GALNT11: variants seen among roughly 807,000 people sequenced by gnomAD.
GALNT11 encodes the protein UDP-GalNAc:polypeptide N-acetylgalactosaminyltransferase 11.
In GALNT11, 47 loss-of-function variants were observed where a neutral mutation model predicts 72.7. The observed-to-expected ratio is 0.65, with a 90% CI of 0.51 to 0.82. The LOEUF (loss-of-function observed/expected upper bound fraction) is 0.82. Ranked by LOEUF, GALNT11 falls within the 40% of genes least tolerant of loss-of-function variation. The probability of loss-of-function intolerance (pLI) is 0.00; values close to 1 mark genes in which losing one functional copy is unlikely to be tolerated. For missense variants in GALNT11, 677 were observed against 778.4 expected (o/e 0.87, Z 1.55); for synonymous variants, 270 against 286.6 (o/e 0.94, Z 0.58).
intron 8 of GALNT11, 192 bp from the exon 9 acceptor site, chr7:152,116,965 C>T: frequency 2.9e-6 from 2 of 693,574 alleles, no homozygotes; most frequent in South Asian, 3.0e-5. Context: ...ACATCGATGA[C>T]TGAGACTCAC....
At chr7:152,051,473 T>G (rs2083404347) in intron 1 of GALNT11, among the ~76,000 whole-genome samples, 1 of 152,102 alleles carries the variant, frequency 6.6e-6, no homozygotes, top group African/African-American at 2.4e-5. Flanking sequence ...TGGACTAGTT[T>G]TGCTTATTTT....
At chr7:152,040,166 G>A (rs779763564) in intron 1 of GALNT11, among the ~76,000 whole-genome samples, 53 of 151,686 alleles carry the variant, frequency 3.5e-4, no homozygotes, top group Non-Finnish European at 6.9e-4. Flanking sequence ...AAGCTGGAAT[G>A]CCCACCACTG....
chr7:152,043,710 G>T (rs1028026017), intron 1 of GALNT11, among the ~76,000 whole-genome samples: 2 of 152,096 alleles, frequency 1.3e-5, no homozygotes, highest in African/African-American at 4.8e-5. Flanking sequence ...GATCCGGAGG[G>T]TCAGGCTACT....
chr7:152,039,379 G>A (rs1436245574), intron 1 of GALNT11, among the ~76,000 whole-genome samples: 1 of 152,178 alleles, frequency 6.6e-6, no homozygotes, highest in African/African-American at 2.4e-5. Flanking sequence ...ATGTGTAACT[G>A]TGTCATAGAG....
In GALNT11 at chr7:152,055,563, GTGTGTATA is replaced by G. The variant is rs1413915043; in HGVS notation, c.-39+29681_-39+29688del. On this transcript the variant is annotated intron_variant, in intron 1 of 11. Transcript: ENST00000430044. ...TGTGTGTGTGTGTGTGTGTGTGTGT[GTGTGTATA>G]TATACATATATATATATACACACAA... Among the ~76,000 whole-genome samples, 731 of 111,912 alleles carry G rather than the reference GTGTGTATA, an allele frequency of 6.5e-3. 6 individuals carry two copies. The highest frequency in any genetic ancestry group is 0.029 in the African/African-American group (697 of 24,250). The allele number at this position is 111,912 out of a possible 152,430, so 73.4% of individuals were successfully genotyped here. A position where few individuals can be genotyped will look rare whatever the true frequency, so the allele number is the denominator to read the frequency against.
At chr7:152,076,422 C>CT (rs2084982707) in intron 1 of GALNT11, among the ~76,000 whole-genome samples, 1 of 151,938 alleles carries the variant, frequency 6.6e-6, no homozygotes, top group South Asian at 2.1e-4. Context: ...TGAAGTGCGC[C>CT]GTCTAGGAAA....
At chr7:152,118,855 A>C in intron 10 of GALNT11, 73 bp downstream of exon 10, 1 of 1,159,270 alleles carries the variant, frequency 8.6e-7, no homozygotes, top group Non-Finnish European at 1.2e-6. Flanking sequence ...GCTGCCAGTC[A>C]CTCCTGAGGA....
rs1180535807 is a variant in GALNT11 at position 152,121,475 on chromosome 7, C to CCAT, written c.1696-69_1696-67dup. ...CCCTTAATCTGAATTCTTAAGTGCT[C>CCAT]CATCTCTCCTCTGGATTTCCATGTT... On this transcript the variant is annotated intron_variant, in intron 11 of 11. Coordinates refer to ENST00000430044, the MANE Select transcript of GALNT11 (RefSeq NM_022087.4). 1.9e-6 allele frequency: 3 copies of CCAT among 1,552,250 alleles called. No homozygotes were observed. The Admixed American group carries it at 5.6e-5, about 29-fold the overall frequency.
chr7:152,036,728 C>T (rs754606871), intron 1 of GALNT11, among the ~76,000 whole-genome samples: 6 of 152,200 alleles, frequency 3.9e-5, no homozygotes, highest in African/African-American at 7.2e-5. Flanking sequence ...ATTCCCTTTT[C>T]TCCACATCCT....
intron 1 of GALNT11, among the ~76,000 whole-genome samples, chr7:152,059,067 T>C (rs928495702): frequency 6.6e-6 from 1 of 152,142 alleles, no homozygotes; most frequent in Non-Finnish European, 1.5e-5. Context: ...AAATAAATGA[T>C]ATTTTGACCT....
intron 10 of GALNT11, 127 bp from the exon 11 acceptor site, chr7:152,120,704 T>A: frequency 1.3e-6 from 1 of 788,368 alleles, no homozygotes; most frequent in Admixed American, 2.4e-5. Flanking sequence ...TCTGCTTCCC[T>A]GTAAGTCTAG....
chr7:152,058,261 G>A (rs1265077387), intron 1 of GALNT11, among the ~76,000 whole-genome samples: 1 of 152,130 alleles, frequency 6.6e-6, no homozygotes, highest in Non-Finnish European at 1.5e-5. Flanking sequence ...CTTTTTGCTG[G>A]TGAGAGTCTT....
At position 152,026,529 on chromosome 7, in the gene GALNT11, G is replaced by A. The variant is rs932072477; in HGVS notation, c.-39+645G>A. Among the ~76,000 whole-genome samples the A allele has an allele frequency of 4.6e-5, 7 of 152,256 alleles. No individual in the cohort carries two copies. In the East Asian group the frequency reaches 1.3e-3, roughly 29 times the overall value. Reference sequence around the variant, plus strand: ...AAATTGACAGCTTGTCTTCGCAGGTGAGGAACAGGGACAGAACTCAAGTCA... The same window carrying A: ...AAATTGACAGCTTGTCTTCGCAGGTAAGGAACAGGGACAGAACTCAAGTCA... On this transcript the variant is annotated intron_variant, in intron 1 of 11. Coordinates refer to ENST00000430044, the MANE Select transcript of GALNT11 (RefSeq NM_022087.4).
At chr7:152,097,570 C>G (rs1169493884) in intron 2 of GALNT11, among the ~76,000 whole-genome samples, 1 of 152,204 alleles carries the variant, frequency 6.6e-6, no homozygotes, top group Admixed American at 6.5e-5. Flanking sequence ...GCACTATTCT[C>G]AATAGACAGA....
chr7:152,030,161 A>C (rs2082239317), intron 1 of GALNT11, among the ~76,000 whole-genome samples: 1 of 152,224 alleles, frequency 6.6e-6, no homozygotes, highest in Admixed American at 6.5e-5. Flanking sequence ...GTAGAGGAGT[A>C]GAGTCTTCTG....
intron 1 of GALNT11, among the ~76,000 whole-genome samples, chr7:152,040,037 C>T (rs532923335): frequency 1.3e-4 from 19 of 151,958 alleles, no homozygotes; most frequent in Non-Finnish European, 2.4e-4. Context: ...TCATTCTTTC[C>T]ACTATGGCTT....
At chr7:152,060,392 G>C (rs565391491) in intron 1 of GALNT11, among the ~76,000 whole-genome samples, 24 of 151,926 alleles carry the variant, frequency 1.6e-4, no homozygotes, top group Non-Finnish European at 2.4e-4. Flanking sequence ...TTCACAACTT[G>C]GCTGTTTGGT....
intron 2 of GALNT11, among the ~76,000 whole-genome samples, chr7:152,098,131 A>C (rs980598219): frequency 6.6e-6 from 1 of 152,138 alleles, no homozygotes; most frequent in African/African-American, 2.4e-5. Context: ...ACAAGCAGGG[A>C]AAGGAACCTA....
Position 152,108,192 on chromosome 7 carries a change from C to T in GALNT11, c.867C>T (p.Val289=), listed in dbSNP as rs766082693. The T allele has an allele frequency of 1.9e-5, 30 of 1,614,062 alleles. No individual in the cohort carries two copies. The highest frequency in any genetic ancestry group is 1.6e-4 in the Middle Eastern group (1 of 6,078). The change falls in exon 6 of 12, where the codon GTC becomes GTT. Residue 289 remains valine, a synonymous_variant. Transcript: ENST00000430044. The stretch of plus-strand genomic sequence containing the variant: ...CGCTGGCCTACAGCTCGTCCCCTGT[C>T]GTCCGCGGAGGGTTCAACTGGGGAC... ...ADTLAYSSSP[V]VRGGFNWGLH...
Sources: allele counts gnomAD v4.1 joint callset (sites outside exome capture counted in the v4.1 genomes callset), GRCh38; gene constraint gnomAD v4.1.1; transcripts MANE v1.5; gene names NCBI Gene and HGNC (gene_info 2026-07-23, HGNC 2026-07-21).